The following OR2AJ1 variants were observed in gnomAD, a reference collection of about 807,000 sequenced individuals.
The protein encoded by OR2AJ1 is olfactory receptor family 2 subfamily AJ member 1, also known as olfactory receptor 2AJ1.
For synonymous variants in OR2AJ1, 105 were observed against 60.3 expected (o/e 1.74, Z -3.44); for missense variants, 280 against 163.2 (o/e 1.72, Z -3.90).
intron 1 of OR2AJ1, among the ~76,000 whole-genome samples, chr1:247,929,101 A>T (rs1051634226): frequency 6.6e-6 from 1 of 152,194 alleles, no homozygotes; most frequent in Non-Finnish European, 1.5e-5. Flanking sequence ...GGGCCAAAAA[A>T]AATGGTGAAT....
intron 1 of OR2AJ1, among the ~76,000 whole-genome samples, chr1:247,928,606 A>G (rs551512830): frequency 8.5e-5 from 13 of 152,242 alleles, no homozygotes; most frequent in African/African-American, 2.6e-4. Flanking sequence ...TTCCCTTAAA[A>G]CAAGCATCAT....
At chr1:247,927,159 C>CACA (rs1314630875) in intron 1 of OR2AJ1, among the ~76,000 whole-genome samples, 1 of 152,198 alleles carries the variant, frequency 6.6e-6, no homozygotes, top group Admixed American at 6.5e-5. Context: ...TGTGGTAGAA[C>CACA]AGGTAACAGA....
In OR2AJ1 at chr1:247,934,340, A is replaced by G. The variant is rs1429840816; in HGVS notation, c.572A>G (p.Asp191Gly). 2 of 735,414 alleles carry G rather than the reference A, an allele frequency of 2.7e-6. No individual in the cohort carries two copies. Among genetic ancestry groups the G allele is most frequent in the Admixed American group, 1.9e-5 (1 of 52,350 alleles). 45.6% of individuals were successfully genotyped at this position (735,414 alleles called of 1,614,324 possible). Residue 191 changes from aspartate (D) to glycine (G), a missense_variant, in exon 2 of 2, where the codon GAC becomes GGC. Coordinates refer to ENST00000318244, the MANE Select transcript of OR2AJ1 (RefSeq NM_001355235.2). ...GCCATGTTGAAGTTGTCCTGTGCAGACACAACACGCTATGAACGAGGGGTT... is the reference window on the plus strand; with the variant it reads ...GCCATGTTGAAGTTGTCCTGTGCAGGCACAACACGCTATGAACGAGGGGTT... The part of the protein sequence containing the change: ...VPAMLKLSCA[D>G]TTRYERGVCV...
In OR2AJ1 at chr1:247,934,333, TG is replaced by T. The variant is rs1257375073; in HGVS notation, c.566del (p.Cys189LeufsTer13). 1.4e-6 allele frequency: 1 copy of T among 737,476 alleles called. No homozygotes were observed. The allele number at this position is 737,476 out of a possible 1,614,324, so 45.7% of individuals were successfully genotyped here. A position where few individuals can be genotyped will look rare whatever the true frequency, so the allele number is the denominator to read the frequency against. ...CEVPAMLKLSCADTTRYERGV... is the reference protein window; with the variant it reads ...CEVPAMLKLSXADTTRYERGV... ...AGTCCCTGCCATGTTGAAGTTGTCC[TG>T]TGCAGACACAACACGCTATGAACGA... On this transcript the variant is annotated frameshift_variant, in exon 2 of 2. Transcript: ENST00000318244. LOFTEE classifies it low-confidence loss of function (END_TRUNC).
In OR2AJ1 at chr1:247,934,132, CGCTATGTG is replaced by C; in HGVS notation, c.370_377del (p.Val124LeufsTer46). ...TCTCCTGGCTGCAATGTCCTGTGAT[CGCTATGTG>C]GCTATCTGTCACCCGCTGCGCTATC... On this transcript the variant is annotated frameshift_variant, in exon 2 of 2. Coordinates refer to ENST00000318244, the MANE Select transcript of OR2AJ1 (RefSeq NM_001355235.2). LOFTEE classifies it low-confidence loss of function (END_TRUNC). 1 of 718,878 alleles carries C rather than the reference CGCTATGTG, an allele frequency of 1.4e-6. No individual in the cohort carries two copies. Among genetic ancestry groups the C allele is most frequent in the South Asian group, 1.5e-5 (1 of 67,598 alleles). 44.5% of individuals were successfully genotyped at this position (718,878 alleles called of 1,614,324 possible). A position where few individuals can be genotyped will look rare whatever the true frequency, so the allele number is the denominator to read the frequency against.
chr1:247,929,599 G>GGTGTGTGT (rs1553341471), intron 1 of OR2AJ1, among the ~76,000 whole-genome samples: 3 of 147,356 alleles, frequency 2.0e-5, no homozygotes, highest in African/African-American at 7.5e-5. Flanking sequence ...CCCTTCACTC[G>GGTGTGTGT]GTGTGTGTGT....
rs546780515 is a variant in OR2AJ1 at position 247,934,627 on chromosome 1, C to T, written c.859C>T (p.Pro287Ser). 3 of 717,754 alleles carry T rather than the reference C, an allele frequency of 4.2e-6. No individual in the cohort carries two copies. The highest frequency in any genetic ancestry group is 1.7e-5 in the African/African-American group (1 of 57,234). 44.5% of individuals were successfully genotyped at this position (717,754 alleles called of 1,614,324 possible). A position where few individuals can be genotyped will look rare whatever the true frequency, so the allele number is the denominator to read the frequency against. The change falls in exon 2 of 2, where the codon CCT becomes TCT. Residue 287 changes from proline to serine, a missense_variant. Transcript: ENST00000318244. ...TACGATCCTCACACCCACACTCAACCCTTTCATCTACAGCTTTAGGAATAA... is the reference window on the plus strand; with the variant it reads ...TACGATCCTCACACCCACACTCAACTCTTTCATCTACAGCTTTAGGAATAA... ...FYTILTPTLN[P>S]FIYSFRNKDV...
chr1:247,934,677 T>C lies in OR2AJ1; in HGVS notation c.909T>C (p.Asn303=). 2.8e-6 allele frequency: 2 copies of C among 716,686 alleles called. No individual in the cohort carries two copies. Among genetic ancestry groups the C allele is most frequent in the Non-Finnish European group, 5.2e-6 (2 of 385,092 alleles). The allele number at this position is 716,686 out of a possible 1,614,324, so 44.4% of individuals were successfully genotyped here. ...RNKDVLAVMK[N]MLKSNFLHKK... is the part of the protein sequence containing the mutation. ...AAGATGTTCTGGCGGTGATGAAAAA[T>C]ATGCTCAAAAGTAACTTTCTGCACA... The change falls in exon 2 of 2, where the codon AAT becomes AAC. Residue 303 remains asparagine, a synonymous_variant. Transcript: ENST00000318244.
In OR2AJ1 at chr1:247,934,733, T is replaced by G. The variant is rs41268443; in HGVS notation, c.965T>G (p.Val322Gly). 13 of 709,120 alleles carry G rather than the reference T, an allele frequency of 1.8e-5. No individual in the cohort carries two copies. Among genetic ancestry groups the G allele is most frequent in the Non-Finnish European group, 3.4e-5 (13 of 383,638 alleles). The allele number at this position is 709,120 out of a possible 1,614,324, so 43.9% of individuals were successfully genotyped here. The change falls in exon 2 of 2, where the codon GTG becomes GGG. Residue 322 changes from valine (V) to glycine (G), a missense_variant. Physicochemically the swap from Val to Gly is moderately radical, Grantham distance 109. Transcript: ENST00000318244. ...ATGAATAGGAAAATTCCTGAATGTG[T>G]GTTCTGTCTATTTCTATGTTAAATG... ...KKMNRKIPEC[V>G]FCLFLC
chr1:247,931,334 C>T lies in OR2AJ1; in HGVS notation c.-22-2413C>T, dbSNP rs146281146. Among the ~76,000 whole-genome samples the T allele has an allele frequency of 2.4e-3, 363 of 152,274 alleles. 1 individual carries two copies. Among genetic ancestry groups the T allele is most frequent in the Admixed American group, 6.2e-3 (95 of 15,292 alleles). On this transcript the variant is annotated intron_variant, in intron 1 of 1. Coordinates refer to ENST00000318244, the MANE Select transcript of OR2AJ1 (RefSeq NM_001355235.2). ...CACGTATTTTCTCCACTTTCAAACACGGAATTGAGAGCATTTCTCTTTGCA... is the reference window on the plus strand; with the variant it reads ...CACGTATTTTCTCCACTTTCAAACATGGAATTGAGAGCATTTCTCTTTGCA...
At chr1:247,926,339 C>T (rs756974865) in intron 1 of OR2AJ1, among the ~76,000 whole-genome samples, 8 of 152,118 alleles carry the variant, frequency 5.3e-5, no homozygotes, top group Non-Finnish European at 8.8e-5. Context: ...AAATTTACTA[C>T]ATTAACACAC....
Position 247,934,698 on chromosome 1 carries a change from G to A in OR2AJ1, c.930G>A (p.Leu310=). The change falls in exon 2 of 2, where the codon CTG becomes CTA. Residue 310 remains leucine (L), a synonymous_variant. Transcript: ENST00000318244. ...AAAATATGCTCAAAAGTAACTTTCT[G>A]CACAAAAAAATGAATAGGAAAATTC... The part of the protein sequence containing the change: ...VMKNMLKSNF[L]HKKMNRKIPE... The A allele has an allele frequency of 1.4e-6, 1 of 713,940 alleles. No individual in the cohort carries two copies. The highest frequency in any genetic ancestry group is 1.5e-5 in the South Asian group (1 of 67,196). 44.2% of individuals were successfully genotyped at this position (713,940 alleles called of 1,614,324 possible). A position where few individuals can be genotyped will look rare whatever the true frequency, so the allele number is the denominator to read the frequency against.
chr1:247,934,902 A>C lies in OR2AJ1; in HGVS notation c.*147A>C, dbSNP rs1660200693. On this transcript the variant is annotated 3_prime_UTR_variant, in exon 2 of 2. Transcript: ENST00000318244. Reference sequence around the variant, plus strand: ...TGTAAACACGTACCTCTAAAAATGTAGTGTTCCTTCTGTGGTACCAATTAT... The same window carrying C: ...TGTAAACACGTACCTCTAAAAATGTCGTGTTCCTTCTGTGGTACCAATTAT... The C allele has an allele frequency of 1.7e-6, 1 of 574,500 alleles. No individual in the cohort carries two copies. The highest frequency in any genetic ancestry group is 3.1e-6 in the Non-Finnish European group (1 of 326,900). 35.6% of individuals were successfully genotyped at this position (574,500 alleles called of 1,614,324 possible). A position where few individuals can be genotyped will look rare whatever the true frequency, so the allele number is the denominator to read the frequency against.
intron 1 of OR2AJ1, among the ~76,000 whole-genome samples, chr1:247,928,861 G>A (rs917541636): frequency 6.6e-6 from 1 of 152,162 alleles, no homozygotes; most frequent in Non-Finnish European, 1.5e-5. Context: ...TTGGGAGGCC[G>A]AGGCGGGCGG....
intron 1 of OR2AJ1, 145 bp downstream of exon 1, chr1:247,925,313 A>G (rs1231391964): frequency 6.6e-6 from 1 of 152,296 alleles, no homozygotes; most frequent in African/African-American, 2.4e-5. Context: ...CCACATAAAC[A>G]TAAGCAGCTA....
chr1:247,934,452 G>A lies in OR2AJ1; in HGVS notation c.684G>A (p.Met228Ile). The change falls in exon 2 of 2, where the codon ATG becomes ATA. Residue 228 changes from methionine (M) to isoleucine (I), a missense_variant. Physicochemically the swap from Met to Ile is conservative, Grantham distance 10 (BLOSUM62 1). Coordinates refer to ENST00000318244, the MANE Select transcript of OR2AJ1 (RefSeq NM_001355235.2). ...AAATTATTCTTACTGTCCTCCAGAT[G>A]AAATCATCAGAGGCAAGGAAAAAGT... ...YGQIILTVLQMKSSEARKKSF... is the reference protein window; with the variant it reads ...YGQIILTVLQIKSSEARKKSF... The A allele has an allele frequency of 1.4e-6, 1 of 717,502 alleles. No individual in the cohort carries two copies. The highest frequency in any genetic ancestry group is 1.5e-5 in the South Asian group (1 of 67,608). The allele number at this position is 717,502 out of a possible 1,614,324, so 44.4% of individuals were successfully genotyped here.
At chr1:247,928,211 T>C (rs1467324951) in intron 1 of OR2AJ1, among the ~76,000 whole-genome samples, 1 of 152,326 alleles carries the variant, frequency 6.6e-6, no homozygotes, top group Admixed American at 6.5e-5. Flanking sequence ...CCACTCTAAT[T>C]GCAGTGAAAT....
intron 1 of OR2AJ1, among the ~76,000 whole-genome samples, chr1:247,925,539 T>C (rs371199902): frequency 1.4e-4 from 22 of 152,312 alleles, no homozygotes; most frequent in Admixed American, 5.2e-4. Flanking sequence ...GCTCAATTTA[T>C]ATAAATATAA....
chr1:247,929,713 T>C (rs1297100602), intron 1 of OR2AJ1, among the ~76,000 whole-genome samples: 1 of 151,990 alleles, frequency 6.6e-6, no homozygotes, highest in Non-Finnish European at 1.5e-5. Flanking sequence ...CTTCATTTCA[T>C]AGAAATTCAT....
Sources: gnomAD v4.1 joint callset for allele counts (sites outside exome capture counted in the v4.1 genomes callset) on GRCh38, gnomAD v4.1.1 for gene constraint, MANE v1.5 for transcripts, NCBI Gene and HGNC (gene_info 2026-07-23, HGNC 2026-07-21) for gene names.